Variants in CDH7 observed in about 807,000 individuals in gnomAD.
The protein encoded by CDH7 is cadherin 7.
A neutral mutation model predicts 71.8 loss-of-function variants in CDH7; 25 were observed. The observed-to-expected ratio is 0.35, with a 90% CI of 0.25 to 0.49. The LOEUF (loss-of-function observed/expected upper bound fraction) is 0.49, where lower values mean the gene tolerates loss of function less well. CDH7 is among the 20% of genes least tolerant of loss of function. The pLI is 0.99. For missense variants in CDH7, 862 were observed against 974.6 expected (o/e 0.88, Z 1.54); for synonymous variants, 381 against 363.8 (o/e 1.05, Z -0.54).
intron 1 of CDH7, among the ~76,000 whole-genome samples, chr18:65,759,611 A>AATCAATTTTAT (rs1343397138): frequency 6.6e-6 from 1 of 152,134 alleles, no homozygotes. Flanking sequence ...GAGCTAACAA[A>AATCAATTTTAT]ATCAATTTTA....
At chr18:65,782,065 T>TTCCTTCCTTCCTTCCTTCCTTCCTTC (rs1568182342) in intron 2 of CDH7, among the ~76,000 whole-genome samples, 1 of 42,436 alleles carries the variant, frequency 2.4e-5, no homozygotes, top group Admixed American at 2.6e-4. Context: ...TTCCTTCCTT[T>TTCCTTCCTTCCTTCCTTCCTTCCTTC]CTTTCTTTCT....
intron 9 of CDH7, among the ~76,000 whole-genome samples, chr18:65,859,327 C>A (rs979144194): frequency 6.6e-6 from 1 of 152,146 alleles, no homozygotes; most frequent in African/African-American, 2.4e-5. Context: ...CAGCATAGTA[C>A]GCTGATTGGG....
rs1914276685 is a variant in CDH7 at position 65,883,112 on chromosome 18, A to C, written c.*2218A>C. 1 of 152,088 alleles carries C rather than the reference A, an allele frequency of 6.6e-6. No individual in the cohort carries two copies. The highest frequency in any genetic ancestry group is 1.5e-5 in the Non-Finnish European group (1 of 67,962). The allele number at this position is 152,088 out of a possible 1,614,324, so 9.4% of individuals were successfully genotyped here. A position where few individuals can be genotyped will look rare whatever the true frequency, so the allele number is the denominator to read the frequency against. ...CAAATGGTTACCAATGATAGATTGG[A>C]AAAAGAAAGGTTCATGTTTAAATAA... On this transcript the variant is annotated 3_prime_UTR_variant, in exon 12 of 12. Coordinates refer to ENST00000397968, the MANE Select transcript of CDH7 (RefSeq NM_004361.5).
intron 5 of CDH7, among the ~76,000 whole-genome samples, chr18:65,824,310 A>C (rs888448105): frequency 4.6e-5 from 7 of 151,812 alleles, no homozygotes; most frequent in Non-Finnish European, 1.0e-4. Flanking sequence ...ATTGAATTAC[A>C]TTTACTAATT....
chr18:65,874,668 T>C (rs1914022226), intron 11 of CDH7, among the ~76,000 whole-genome samples: 1 of 151,858 alleles, frequency 6.6e-6, no homozygotes, highest in Non-Finnish European at 1.5e-5. Context: ...CCTAAATACA[T>C]AAAAATTTAA....
intron 2 of CDH7, among the ~76,000 whole-genome samples, chr18:65,774,436 C>A (rs1916637740): frequency 6.6e-6 from 1 of 151,742 alleles, no homozygotes; most frequent in South Asian, 2.1e-4. Context: ...TTTTGCTTAC[C>A]CTTCCCTTCA....
intron 4 of CDH7, 34 bp downstream of exon 4, chr18:65,814,638 A>T: frequency 6.3e-7 from 1 of 1,581,122 alleles, no homozygotes; most frequent in Non-Finnish European, 8.6e-7. Context: ...TTGTAAAGTC[A>T]TCATTTGTTT....
chr18:65,794,402 T>C (rs17783165), intron 2 of CDH7, among the ~76,000 whole-genome samples: 57,052 of 151,840 alleles, frequency 0.38, 11,044 homozygotes, highest in Middle Eastern at 0.48. Flanking sequence ...TAAACATCTA[T>C]AAGTCTTTTC....
chr18:65,804,641 T>C (rs1911245944), intron 2 of CDH7, among the ~76,000 whole-genome samples: 1 of 151,918 alleles, frequency 6.6e-6, no homozygotes, highest in South Asian at 2.1e-4. Context: ...TTAATGAAGG[T>C]AATGGAGATT....
chr18:65,845,037 T>G (rs1469679331), intron 7 of CDH7, among the ~76,000 whole-genome samples: 1 of 152,030 alleles, frequency 6.6e-6, no homozygotes, highest in Non-Finnish European at 1.5e-5. Flanking sequence ...TTGAGATAAG[T>G]CTGGACGTTG....
chr18:65,867,189 C>G (rs890181200), intron 11 of CDH7, among the ~76,000 whole-genome samples: 1 of 152,036 alleles, frequency 6.6e-6, no homozygotes, highest in Non-Finnish European at 1.5e-5. Flanking sequence ...GTGCCTGCCA[C>G]CACGCCCGGC....
In CDH7 at chr18:65,811,706, G is replaced by A. The variant is rs138278799; in HGVS notation, c.505+1708G>A. Among the ~76,000 whole-genome samples the A allele has an allele frequency of 1.7e-4, 26 of 152,188 alleles. 1 individual carries two copies. The East Asian group carries it at 4.8e-3, about 28-fold the overall frequency. ...TGTTTGAGCAATTCAATTCAACTTC[G>A]TACTCCCAGATCTCATGGACATTTT... On this transcript the variant is annotated intron_variant, in intron 3 of 11. Transcript: ENST00000397968.
intron 7 of CDH7, 66 bp downstream of exon 7, chr18:65,844,131 T>C: frequency 1.5e-6 from 2 of 1,318,538 alleles, no homozygotes; most frequent in South Asian, 1.2e-5. Flanking sequence ...ACAACTCTTA[T>C]TTTACGCTCT....
At chr18:65,839,881 T>C (rs1042922355) in intron 6 of CDH7, among the ~76,000 whole-genome samples, 15 of 152,188 alleles carry the variant, frequency 9.9e-5, no homozygotes, top group Admixed American at 2.6e-4. Flanking sequence ...AGATCAGAGA[T>C]TGGCAAACAA....
intron 6 of CDH7, among the ~76,000 whole-genome samples, chr18:65,838,081 T>C (rs1568212482): frequency 1.3e-5 from 2 of 151,980 alleles, no homozygotes; most frequent in African/African-American, 4.8e-5. Context: ...CGTGCCACCA[T>C]GGCAGGCTAA....
chr18:65,828,063 T>C (rs1360491980), intron 6 of CDH7, among the ~76,000 whole-genome samples: 1 of 151,530 alleles, frequency 6.6e-6, no homozygotes, highest in Non-Finnish European at 1.5e-5. Flanking sequence ...TACTAGATAG[T>C]GGGAAAATTA....
intron 2 of CDH7, among the ~76,000 whole-genome samples, chr18:65,778,529 CTTTTT>C (rs1156727313): frequency 3.6e-5 from 3 of 84,340 alleles, no homozygotes; most frequent in East Asian, 3.6e-4. Flanking sequence ...GCGTCTCACT[CTTTTT>C]TTTTTTTTTT....
At position 65,887,628 on chromosome 18, in the gene CDH7, A is replaced by C. The variant is rs1914405697; in HGVS notation, c.*6734A>C. On this transcript the variant is annotated 3_prime_UTR_variant, in exon 12 of 12. Transcript: ENST00000397968. ...ATATATAGACAGCATGCGCACACAT[A>C]CATACACGTGTGCAGGAACACACAC... 1 of 152,266 alleles carries C rather than the reference A, an allele frequency of 6.6e-6. No individual in the cohort carries two copies. The highest frequency in any genetic ancestry group is 3.4e-3 in the Middle Eastern group (1 of 294). The allele number at this position is 152,266 out of a possible 1,614,324, so 9.4% of individuals were successfully genotyped here.
intron 6 of CDH7, among the ~76,000 whole-genome samples, chr18:65,839,099 A>G (rs1054691913): frequency 1.3e-5 from 2 of 152,230 alleles, no homozygotes; most frequent in African/African-American, 4.8e-5. Flanking sequence ...TGATGGATAT[A>G]TATGACCATG....
Sources: allele counts gnomAD v4.1 joint callset (sites outside exome capture counted in the v4.1 genomes callset), GRCh38; gene constraint gnomAD v4.1.1; transcripts MANE v1.5; gene names NCBI Gene and HGNC (gene_info 2026-07-23, HGNC 2026-07-21).